Variants in RCOR3 observed in about 807,000 individuals in gnomAD.
RCOR3 encodes the protein REST corepressor 3.
In RCOR3, 13 loss-of-function variants were observed where a neutral mutation model predicts 64.1. That is an observed-to-expected ratio of 0.20 (90% CI 0.13 to 0.32). The LOEUF is 0.32. Ranked by LOEUF, RCOR3 falls within the 10% of genes least tolerant of loss-of-function variation. The probability of loss-of-function intolerance (pLI) is 1.00; values close to 1 mark genes in which losing one functional copy is unlikely to be tolerated. For synonymous variants in RCOR3, 215 were observed against 239.0 expected (o/e 0.90, Z 0.93); for missense variants, 489 against 701.2 (o/e 0.70, Z 3.42).
intron 9 of RCOR3, among the ~76,000 whole-genome samples, chr1:211,299,670 C>T (rs971905842): frequency 2.0e-5 from 3 of 152,184 alleles, no homozygotes; most frequent in African/African-American, 7.2e-5. Context: ...GCCGAATTCA[C>T]TAAGCGTGTC....
intron 7 of RCOR3, among the ~76,000 whole-genome samples, chr1:211,284,312 C>T (rs1338822089): frequency 2.0e-5 from 3 of 151,994 alleles, no homozygotes; most frequent in Non-Finnish European, 4.4e-5. Context: ...GATCTCCTGA[C>T]CTTGTGATGC....
chr1:211,261,587 G>C (rs909528642), intron 2 of RCOR3, among the ~76,000 whole-genome samples: 7 of 152,082 alleles, frequency 4.6e-5, no homozygotes, highest in African/African-American at 1.7e-4. Flanking sequence ...GCTCCCTTTG[G>C]GTTTACTTGA....
intron 7 of RCOR3, among the ~76,000 whole-genome samples, chr1:211,283,801 G>T (rs978366111): frequency 8.1e-5 from 12 of 147,332 alleles, no homozygotes; most frequent in African/African-American, 2.8e-4. Context: ...GAGCCAGCAT[G>T]CCTGGCTTGT....
At chr1:211,309,511 A>G (rs1701276450) in intron 10 of RCOR3, among the ~76,000 whole-genome samples, 2 of 152,232 alleles carry the variant, frequency 1.3e-5, no homozygotes. Flanking sequence ...TAACTTTCAA[A>G]TGAAATTTAG....
chr1:211,292,407 TA>T (rs1207907833), intron 8 of RCOR3, among the ~76,000 whole-genome samples: 2 of 152,220 alleles, frequency 1.3e-5, no homozygotes, highest in Admixed American at 1.3e-4. Context: ...TTAAATGCAC[TA>T]AAAACATAAA....
intron 8 of RCOR3, among the ~76,000 whole-genome samples, chr1:211,294,925 T>G (rs532435789): frequency 9.1e-4 from 138 of 152,192 alleles, no homozygotes; most frequent in African/African-American, 3.3e-3. Flanking sequence ...TCGCCTAGGC[T>G]AGAGTGCATT....
At chr1:211,310,362 C>T (rs1157883980) in intron 10 of RCOR3, among the ~76,000 whole-genome samples, 1 of 152,102 alleles carries the variant, frequency 6.6e-6, no homozygotes, top group African/African-American at 2.4e-5. Context: ...ACAAATGTGC[C>T]TAGATATTTG....
In RCOR3 at chr1:211,259,642, G is replaced by C; in HGVS notation, c.82G>C (p.Gly28Arg). 6.5e-7 allele frequency: 1 copy of C among 1,547,512 alleles called. No individual in the cohort carries two copies. The highest frequency in any genetic ancestry group is 8.7e-7 in the Non-Finnish European group (1 of 1,145,570). The change falls in exon 1 of 12, where the codon GGC becomes CGC. Residue 28 changes from glycine to arginine, a missense_variant. Around this residue, in one of 2 missense-constraint regions of RCOR3, gnomAD observed 87 missense variants for 84.3 expected, o/e 1.03. Coordinates refer to ENST00000419091, the MANE Select transcript of RCOR3 (RefSeq NM_001136223.3). The stretch of plus-strand genomic sequence containing the variant: ...CGGCAGCGCCAAGAGCCCGGCAGGC[G>C]GCGGCGGCAGCGGCGCCTCGTCCAC... ...ANGSAKSPAG[G>R]GGSGASSTNG...
In RCOR3 at chr1:211,276,375, C is replaced by G. The variant is rs144354541; in HGVS notation, c.473C>G (p.Ala158Gly). The change falls in exon 5 of 12, where the codon GCC becomes GGC. Residue 158 changes from alanine to glycine, a missense_variant. Physicochemically the swap from Ala to Gly is moderately conservative, Grantham distance 60. Around this residue, in one of 2 missense-constraint regions of RCOR3, gnomAD observed 402 missense variants for 617.0 expected, o/e 0.65. Coordinates refer to ENST00000419091, the MANE Select transcript of RCOR3 (RefSeq NM_001136223.3). ...GAAGATAAAGTCCTATTTGAACAAG[C>G]CTTTAGTTTTCATGGAAAGAGCTTT... Reference protein sequence around the residue: ...TVEDKVLFEQAFSFHGKSFHR... With the variant: ...TVEDKVLFEQGFSFHGKSFHR... 6.2e-7 allele frequency: 1 copy of G among 1,613,350 alleles called. No homozygotes were observed. The highest frequency in any genetic ancestry group is 8.5e-7 in the Non-Finnish European group (1 of 1,179,554).
At chr1:211,276,860 G>T (rs983425064) in intron 5 of RCOR3, among the ~76,000 whole-genome samples, 4 of 152,094 alleles carry the variant, frequency 2.6e-5, no homozygotes, top group Admixed American at 2.6e-4. Flanking sequence ...GCCGAGGCGG[G>T]CAGATCATGA....
intron 3 of RCOR3, 44 bp downstream of exon 3, chr1:211,271,353 C>A: frequency 6.7e-7 from 1 of 1,487,676 alleles, no homozygotes; most frequent in Non-Finnish European, 9.4e-7. Context: ...AGGAGTTTAT[C>A]AGCCAATTCA....
At position 211,296,116 on chromosome 1, in the gene RCOR3, C is replaced by T. The variant is rs367875864; in HGVS notation, c.1017+363C>T. 8.6e-5 allele frequency among the ~76,000 whole-genome samples: 13 copies of T among 151,994 alleles called. No individual in the cohort carries two copies. In the East Asian group the frequency reaches 1.9e-3, roughly 23 times the overall value. ...TTCCTGCTTGTGTGAATTGGTAACA[C>T]GGCAAGAAAAATATCATGAAAACAA... is the stretch of plus-strand genomic sequence containing the variant. On this transcript the variant is annotated intron_variant, in intron 9 of 11. Coordinates refer to ENST00000419091, the MANE Select transcript of RCOR3 (RefSeq NM_001136223.3).
rs1321479008 is a variant in RCOR3, at chr1:211,313,670, C to T, written c.1564C>T (p.Pro522Ser). ...PLIRPANSMP[P>S]RLNPRPVLST... ...TATTCGCCCTGCTAATTCCATGCCA[C>T]CCCGTCTAAACCCAAGACCGGTGTT... Residue 522 changes from proline (P) to serine (S), a missense_variant, in exon 12 of 12, where the codon CCC becomes TCC. This residue lies in a region of RCOR3 where 402 missense variants were observed against 617.0 expected (regional missense o/e 0.65). Coordinates refer to ENST00000419091, the MANE Select transcript of RCOR3 (RefSeq NM_001136223.3). This position sits in a 1 kb window ranked among gnomAD's most constrained non-coding sequence, Gnocchi z 4.7. The T allele has an allele frequency of 1.9e-6, 3 of 1,614,228 alleles. No homozygotes were observed. The South Asian group carries it at 3.3e-5, about 18-fold the overall frequency.
chr1:211,271,310 G>A lies in RCOR3; in HGVS notation c.301+1G>A. 1 of 1,612,060 alleles carries A rather than the reference G, an allele frequency of 6.2e-7. No individual in the cohort carries two copies. Among genetic ancestry groups the A allele is most frequent in the Non-Finnish European group, 8.5e-7 (1 of 1,178,522 alleles). On this transcript the variant is annotated splice_donor_variant, in intron 3 of 11. Transcript: ENST00000419091. LOFTEE classifies it high-confidence loss of function. ...TATCACAGTATCCCAGATGCCAAAT[G>A]TAAGTTTTCTGAAGTTGAATGTTAA... is the stretch of plus-strand genomic sequence containing the variant.
chr1:211,269,810 A>G (rs2102460483), intron 2 of RCOR3, among the ~76,000 whole-genome samples: 1 of 152,074 alleles, frequency 6.6e-6, no homozygotes, highest in South Asian at 2.1e-4. Flanking sequence ...GATTTTTCTG[A>G]CTTTCTAGGC....
At chr1:211,285,027 G>T (rs762137048) in intron 7 of RCOR3, among the ~76,000 whole-genome samples, 2 of 152,090 alleles carry the variant, frequency 1.3e-5, no homozygotes, top group Non-Finnish European at 2.9e-5. Flanking sequence ...TCTGCTATTT[G>T]GTGGTTCTTC....
chr1:211,262,284 C>T (rs1018078719), intron 2 of RCOR3, among the ~76,000 whole-genome samples: 3 of 151,950 alleles, frequency 2.0e-5, no homozygotes, highest in African/African-American at 4.8e-5. Flanking sequence ...GATCTGCTGC[C>T]TCGACCTCCC....
At chr1:211,299,223 T>A (rs1700139786) in intron 9 of RCOR3, among the ~76,000 whole-genome samples, 1 of 152,122 alleles carries the variant, frequency 6.6e-6, no homozygotes, top group East Asian at 1.9e-4. Flanking sequence ...GGGGTATCAG[T>A]AGGGTTGGGT....
At position 211,274,278 on chromosome 1, in the gene RCOR3, C is replaced by A; in HGVS notation, c.354+16C>A. The stretch of plus-strand genomic sequence containing the variant: ...TGTGGAACAGGTATGTAGAGAAACA[C>A]TTCAGTAGTAAGGCTTGTCCCAATA... On this transcript the variant is annotated intron_variant, in intron 4 of 11. Transcript: ENST00000419091. 6.4e-7 allele frequency: 1 copy of A among 1,559,710 alleles called. No individual in the cohort carries two copies. Among genetic ancestry groups the A allele is most frequent in the Non-Finnish European group, 8.8e-7 (1 of 1,132,742 alleles).
Sources: allele counts gnomAD v4.1 joint callset (sites outside exome capture counted in the v4.1 genomes callset), GRCh38; gene constraint gnomAD v4.1.1; regional missense constraint gnomAD v4.1.1; non-coding constraint Gnocchi (gnomAD v3.1); transcripts MANE v1.5; gene names NCBI Gene and HGNC (gene_info 2026-07-23, HGNC 2026-07-21).